The following ACTR3C variants were observed in gnomAD, a reference collection of about 807,000 sequenced individuals.
ACTR3C encodes actin-related protein 3C.
ACTR3C carries 18 observed loss-of-function variants against 26.3 expected under a neutral mutation model. The observed-to-expected ratio is 0.68, with a 90% CI of 0.47 to 1.01. ACTR3C has a LOEUF of 1.01. Ranked by LOEUF, ACTR3C falls within the 50% of genes least tolerant of loss-of-function variation. ACTR3C has a pLI of 0.00. For synonymous variants in ACTR3C, 55 were observed against 94.5 expected (o/e 0.58, Z 2.42); for missense variants, 184 against 250.7 (o/e 0.73, Z 1.80).
At chr7:150,065,634 G>A in the ACTR3C span, among the ~76,000 whole-genome samples, 1 of 151,986 alleles carries the variant, frequency 6.6e-6, no homozygotes, top group Admixed American at 6.6e-5. Context: ...GGGTTCAGGT[G>A]CCTCAGGGTC....
the ACTR3C span, among the ~76,000 whole-genome samples, chr7:149,989,445 C>T: frequency 6.6e-6 from 1 of 152,106 alleles, no homozygotes; most frequent in African/African-American, 2.4e-5. Context: ...AACATCTCCC[C>T]AACCCACCCC....
At chr7:149,978,153 C>T in the ACTR3C span, among the ~76,000 whole-genome samples, 1 of 152,128 alleles carries the variant, frequency 6.6e-6, no homozygotes, top group Non-Finnish European at 1.5e-5. Context: ...CTCCTATATC[C>T]CATACGTGAT....
At chr7:150,292,367 G>A (rs1836339588) in intron 3 of ACTR3C, among the ~76,000 whole-genome samples, 1 of 152,058 alleles carries the variant, frequency 6.6e-6, no homozygotes, top group African/African-American at 2.4e-5. Context: ...CCTTTAAATA[G>A]TCCATTGGAC....
chr7:150,238,609 A>AT, the ACTR3C span, among the ~76,000 whole-genome samples: 2 of 144,714 alleles, frequency 1.4e-5, no homozygotes, highest in Non-Finnish European at 3.0e-5. Context: ...CCAGTATCTA[A>AT]TTTTATCAGC....
chr7:150,259,388 A>G (rs1441610722), intron 6 of ACTR3C, among the ~76,000 whole-genome samples: 1 of 152,206 alleles, frequency 6.6e-6, no homozygotes. Flanking sequence ...CTAGATCTAA[A>G]ATAATAAAAA....
the ACTR3C span, among the ~76,000 whole-genome samples, chr7:150,238,544 T>G: frequency 7.3e-6 from 1 of 137,166 alleles, no homozygotes; most frequent in Admixed American, 7.1e-5. Flanking sequence ...GAGGCTACTA[T>G]GAATAACATT....
At chr7:150,157,446 C>G in the ACTR3C span, among the ~76,000 whole-genome samples, 2 of 150,978 alleles carry the variant, frequency 1.3e-5, no homozygotes, top group Non-Finnish European at 2.9e-5. Context: ...AATAATCACC[C>G]AACTGGGAGA....
At chr7:150,022,232 TTTTTTCATATGTTTG>T in the ACTR3C span, among the ~76,000 whole-genome samples, 1 of 151,322 alleles carries the variant, frequency 6.6e-6, no homozygotes, top group Non-Finnish European at 1.5e-5. Context: ...ATGTTGAGCA[TTTTTTCATATGTTTG>T]TTGGCCATTT....
chr7:150,254,394 T>C (rs1195780831), intron 6 of ACTR3C, among the ~76,000 whole-genome samples: 2 of 152,202 alleles, frequency 1.3e-5, no homozygotes, highest in Non-Finnish European at 2.9e-5. Context: ...AATTGTCCTA[T>C]AGAACTGATG....
chr7:150,175,830 A>C, the ACTR3C span, among the ~76,000 whole-genome samples: 1 of 148,370 alleles, frequency 6.7e-6, no homozygotes, highest in Admixed American at 6.6e-5. Context: ...AAAAAAAAAA[A>C]AAAAAGAAAG....
chr7:150,037,867 G>T, the ACTR3C span, among the ~76,000 whole-genome samples: 1 of 114,838 alleles, frequency 8.7e-6, no homozygotes, highest in Non-Finnish European at 1.9e-5. Context: ...CCAGCGATGG[G>T]GGTCCTAAGA....
chr7:150,006,205 T>TATTTA, the ACTR3C span, among the ~76,000 whole-genome samples: 5 of 151,352 alleles, frequency 3.3e-5, no homozygotes, highest in African/African-American at 1.2e-4. Context: ...TTTATTTATT[T>TATTTA]ATTTATTTTG....
chr7:150,100,799 G>A, the ACTR3C span, among the ~76,000 whole-genome samples: 1 of 151,182 alleles, frequency 6.6e-6, no homozygotes, highest in African/African-American at 2.5e-5. Flanking sequence ...CCCCTCCCCG[G>A]GCTCAAGCAA....
downstream of ACTR3C, chr7:150,246,451 T>C (rs1832468166): frequency 6.6e-6 from 1 of 152,166 alleles, no homozygotes; most frequent in East Asian, 1.9e-4. Context: ...AGCTACCCCG[T>C]CTATTTTTGT....
the ACTR3C span, among the ~76,000 whole-genome samples, chr7:149,906,566 G>A: frequency 1.2e-3 from 183 of 151,420 alleles, no homozygotes; most frequent in Middle Eastern, 3.4e-3. Context: ...CGAGTAGCTG[G>A]GATTACAGGC....
the ACTR3C span, among the ~76,000 whole-genome samples, chr7:149,884,053 G>A: frequency 7.2e-4 from 109 of 152,324 alleles, no homozygotes; most frequent in African/African-American, 2.2e-3. Context: ...CCCTGCAGAA[G>A]CCCTCAAAGA....
intron 6 of ACTR3C, among the ~76,000 whole-genome samples, chr7:150,255,620 C>T (rs895216965): frequency 1.3e-4 from 20 of 152,146 alleles, no homozygotes; most frequent in South Asian, 6.2e-4. Flanking sequence ...GATGGCTCTA[C>T]ATATGCAGAC....
the ACTR3C span, among the ~76,000 whole-genome samples, chr7:150,172,630 C>T: frequency 3.5e-4 from 53 of 150,084 alleles, no homozygotes; most frequent in Non-Finnish European, 6.9e-4. Flanking sequence ...CCAACAGTCC[C>T]CCAAAGTCTT....
the ACTR3C span, among the ~76,000 whole-genome samples, chr7:150,069,950 T>C: frequency 1.3e-5 from 2 of 151,962 alleles, no homozygotes; most frequent in African/African-American, 2.4e-5. Context: ...CTCCCAGCAA[T>C]TCAGGTAAAG....
Sources: gnomAD v4.1 joint callset for allele counts (sites outside exome capture counted in the v4.1 genomes callset) on GRCh38, gnomAD v4.1.1 for gene constraint, MANE v1.5 for transcripts, NCBI Gene and HGNC (gene_info 2026-07-23, HGNC 2026-07-21) for gene names.